Variants in CREB5 observed in about 807,000 individuals in gnomAD.
CREB5 encodes cAMP responsive element binding protein 5.
CREB5 carries 19 observed loss-of-function variants against 57.1 expected under a neutral mutation model. The observed-to-expected ratio is 0.33, with a 90% CI of 0.23 to 0.49. CREB5 has a LOEUF of 0.49. CREB5 is among the 20% of genes least tolerant of loss of function. The probability of loss-of-function intolerance (pLI) is 0.99; values close to 1 mark genes in which losing one functional copy is unlikely to be tolerated. For synonymous variants in CREB5, 238 were observed against 238.3 expected (o/e 1.00, Z 0.01); for missense variants, 579 against 671.6 (o/e 0.86, Z 1.52).
intron 1 of CREB5, among the ~76,000 whole-genome samples, chr7:28,308,029 A>G (rs138179107): frequency 1.4e-3 from 206 of 152,312 alleles, no homozygotes; most frequent in African/African-American, 4.9e-3. Flanking sequence ...TTCAGGGAAC[A>G]TGGAGAAACC....
chr7:28,467,359 G>A (rs1790628691), intron 1 of CREB5, among the ~76,000 whole-genome samples: 1 of 152,150 alleles, frequency 6.6e-6, no homozygotes, highest in African/African-American at 2.4e-5. Flanking sequence ...TAGGACAAGG[G>A]CATTACACAC....
At chr7:28,514,346 A>G (rs1792840479) in intron 4 of CREB5, among the ~76,000 whole-genome samples, 1 of 152,044 alleles carries the variant, frequency 6.6e-6, no homozygotes, top group Non-Finnish European at 1.5e-5. Context: ...TTGTTCTCTG[A>G]GTTCAGTATT....
In CREB5 at chr7:28,804,356, A is replaced by G. The variant is rs768903441; in HGVS notation, c.860A>G (p.His287Arg). 6.2e-7 allele frequency: 1 copy of G among 1,613,370 alleles called. No homozygotes were observed. The highest frequency in any genetic ancestry group is 8.5e-7 in the Non-Finnish European group (1 of 1,179,694). Residue 287 changes from histidine to arginine, a missense_variant, in exon 8 of 11, where the codon CAT (histidine) becomes CGT (arginine). His to Arg is a conservative substitution (Grantham distance 29, BLOSUM62 0). Transcript: ENST00000357727. ...CATCAGCACCAGACACTGCCACCCC[A>G]TCACCCTTACCCACACCAGCACCAG... ...HPHQHQTLPP[H>R]HPYPHQHQHP...
chr7:28,660,747 T>C (rs565249700), intron 5 of CREB5, among the ~76,000 whole-genome samples: 2 of 152,250 alleles, frequency 1.3e-5, no homozygotes, highest in East Asian at 3.9e-4. Flanking sequence ...CCCATTCTTA[T>C]TCTTACATTA....
rs1416523054 is a variant in CREB5, at chr7:28,306,563, T to TG, written c.-25+7122_-25+7123insG. Reference sequence around the variant, plus strand: ...ACAGTTTTGTTTTTTTTGTTTTTTTTTTTTTTTTTTTTTTTGAGACGGAGT... The same window carrying TG: ...ACAGTTTTGTTTTTTTTGTTTTTTTTGTTTTTTTTTTTTTTTGAGACGGAGT... On this transcript the variant is annotated intron_variant, in intron 1 of 9. Transcript: ENST00000396299. 7.5e-4 allele frequency among the ~76,000 whole-genome samples: 68 copies of TG among 91,186 alleles called. 1 individual carries two copies. The highest frequency in any genetic ancestry group is 6.6e-3 in the East Asian group (25 of 3,778). 59.8% of individuals were successfully genotyped at this position (91,186 alleles called of 152,430 possible).
At chr7:28,801,046 A>C (rs144353570) in intron 7 of CREB5, among the ~76,000 whole-genome samples, 1 of 152,350 alleles carries the variant, frequency 6.6e-6, no homozygotes, top group African/African-American at 2.4e-5. Context: ...GGCACATAGC[A>C]TGTACTTAGT....
chr7:28,341,649 T>G (rs2127988905), intron 1 of CREB5, among the ~76,000 whole-genome samples: 1 of 152,354 alleles, frequency 6.6e-6, no homozygotes, highest in Non-Finnish European at 1.5e-5. Flanking sequence ...CTTAGTACAG[T>G]GCTGGATGTG....
At chr7:28,789,786 C>T (rs1201798805) in intron 7 of CREB5, among the ~76,000 whole-genome samples, 5 of 152,138 alleles carry the variant, frequency 3.3e-5, no homozygotes, top group African/African-American at 7.2e-5. Flanking sequence ...AATACACATT[C>T]CTAGAGTCCC....
intron 1 of CREB5, among the ~76,000 whole-genome samples, chr7:28,395,576 G>A (rs1428627651): frequency 1.3e-5 from 2 of 152,070 alleles, no homozygotes; most frequent in Non-Finnish European, 2.9e-5. Context: ...GCAAATATCT[G>A]ACTTGCACTA....
At chr7:28,783,621 C>T (rs116948327) in intron 7 of CREB5, among the ~76,000 whole-genome samples, 3,204 of 152,244 alleles carry the variant, frequency 0.021, 52 homozygotes, top group Non-Finnish European at 0.03. Flanking sequence ...CTTGCTACCA[C>T]AGGGTTAGTA....
intron 1 of CREB5, among the ~76,000 whole-genome samples, chr7:28,471,206 G>T (rs1477539344): frequency 2.0e-5 from 3 of 152,102 alleles, no homozygotes; most frequent in Non-Finnish European, 2.9e-5. Context: ...ATAGTTTGAG[G>T]TCTTAGATTT....
chr7:28,668,453 A>G (rs976066289), intron 5 of CREB5, among the ~76,000 whole-genome samples: 4 of 152,174 alleles, frequency 2.6e-5, no homozygotes, highest in Non-Finnish European at 5.9e-5. Context: ...ACAGAATCCT[A>G]TTTTAATTAT....
At chr7:28,525,143 CT>C (rs1294095977) in intron 4 of CREB5, among the ~76,000 whole-genome samples, 4 of 152,148 alleles carry the variant, frequency 2.6e-5, no homozygotes, top group Non-Finnish European at 5.9e-5. Flanking sequence ...ATCCATGTTG[CT>C]GTAAATGACA....
At chr7:28,552,504 C>A (rs373207937) in intron 4 of CREB5, among the ~76,000 whole-genome samples, 1 of 152,132 alleles carries the variant, frequency 6.6e-6, no homozygotes, top group African/African-American at 2.4e-5. Flanking sequence ...GGGTACATCA[C>A]GGGGGCTCAA....
intron 1 of CREB5, among the ~76,000 whole-genome samples, chr7:28,310,104 C>A (rs1409222747): frequency 2.0e-5 from 3 of 152,010 alleles, no homozygotes; most frequent in Non-Finnish European, 4.4e-5. Flanking sequence ...CACAGACGCC[C>A]AAAGTGCAGT....
intron 1 of CREB5, among the ~76,000 whole-genome samples, chr7:28,457,839 C>G (rs1385221734): frequency 6.6e-6 from 1 of 152,108 alleles, no homozygotes; most frequent in Non-Finnish European, 1.5e-5. Context: ...AACCTGGAGC[C>G]TATGGCGGTA....
At chr7:28,384,766 A>C (rs970184660) in intron 1 of CREB5, among the ~76,000 whole-genome samples, 1 of 152,206 alleles carries the variant, frequency 6.6e-6, no homozygotes, top group African/African-American at 2.4e-5. Flanking sequence ...AGGCCACTGC[A>C]GAAGTATTTA....
At chr7:28,547,305 A>G (rs991546872) in intron 4 of CREB5, among the ~76,000 whole-genome samples, 10 of 152,228 alleles carry the variant, frequency 6.6e-5, no homozygotes, top group Non-Finnish European at 1.3e-4. Context: ...AACACTTGTA[A>G]TTATTCACCT....
At chr7:28,671,858 A>T (rs1312921165) in intron 5 of CREB5, among the ~76,000 whole-genome samples, 1 of 152,218 alleles carries the variant, frequency 6.6e-6, no homozygotes, top group East Asian at 1.9e-4. Context: ...GAATGTGAAG[A>T]GACCTTACAG....
Sources: gnomAD v4.1 joint callset for allele counts (sites outside exome capture counted in the v4.1 genomes callset) on GRCh38, gnomAD v4.1.1 for gene constraint, MANE v1.5 for transcripts, NCBI Gene and HGNC (gene_info 2026-07-23, HGNC 2026-07-21) for gene names.